Variants in UNC79 observed in about 807,000 individuals in gnomAD.
The protein encoded by UNC79 is unc-79 subunit of NALCN channel complex, also known as protein unc-79 homolog.
UNC79 carries 37 observed loss-of-function variants against 283.1 expected under a neutral mutation model. The ratio of observed to expected loss-of-function variants is 0.13; its 90% CI spans 0.10 to 0.17. The LOEUF is 0.17. UNC79 is among the 10% of genes least tolerant of loss of function. The probability of loss-of-function intolerance (pLI) is 1.00; values close to 1 mark genes in which losing one functional copy is unlikely to be tolerated. For missense variants in UNC79, 2,272 were observed against 3,211.1 expected, an observed-to-expected ratio of 0.71 and a Z score of 7.07; for synonymous variants, 1,107 against 1,200.2, an observed-to-expected ratio of 0.92 and a Z score of 1.61.
At chr14:93,632,560 C>T (rs1017598222) in intron 31 of UNC79, among the ~76,000 whole-genome samples, 3 of 151,752 alleles carry the variant, frequency 2.0e-5, no homozygotes, top group Admixed American at 6.6e-5. Context: ...ATTAGCCAGG[C>T]GTGGTGGCGC....
At chr14:93,477,639 C>T (rs781373307) in exon 4 of UNC79, 16 of 1,613,092 alleles carry the variant, frequency 9.9e-6, no homozygotes, top group South Asian at 3.3e-5. Flanking sequence ...TTGCCCTACA[C>T]GATGATATCA....
intron 14 of UNC79, among the ~76,000 whole-genome samples, chr14:93,548,518 GT>G (rs1303751944): frequency 2.6e-5 from 4 of 152,194 alleles, no homozygotes; most frequent in African/African-American, 9.6e-5. Context: ...AAAAAATGTT[GT>G]TTTTTTAAGA....
intron 1 of UNC79, among the ~76,000 whole-genome samples, chr14:93,434,384 C>T (rs756900885): frequency 6.8e-4 from 103 of 151,208 alleles, no homozygotes; most frequent in Non-Finnish European, 1.2e-3. Context: ...TTTTTTTTTT[C>T]TCCAAATGCT....
At chr14:93,505,729 TC>T (rs2059503886) in intron 7 of UNC79, among the ~76,000 whole-genome samples, 5 of 147,594 alleles carry the variant, frequency 3.4e-5, no homozygotes, top group Admixed American at 2.0e-4. Context: ...TTTCTCTCTC[TC>T]TTTTTTTTTT....
chr14:93,357,480 G>GA (rs1316277133), intron 1 of UNC79, among the ~76,000 whole-genome samples: 1 of 151,670 alleles, frequency 6.6e-6, no homozygotes, highest in Admixed American at 6.6e-5. Context: ...AAAGCAGGCA[G>GA]AAAAACGTGA....
chr14:93,424,361 A>G (rs1356802477), intron 1 of UNC79, among the ~76,000 whole-genome samples: 1 of 152,210 alleles, frequency 6.6e-6, no homozygotes, highest in Non-Finnish European at 1.5e-5. Flanking sequence ...CCTTCTAGGT[A>G]TATACCCAAA....
intron 7 of UNC79, among the ~76,000 whole-genome samples, chr14:93,521,957 G>C (rs186355235): frequency 7.9e-5 from 12 of 151,396 alleles, no homozygotes; most frequent in Non-Finnish European, 1.5e-4. Flanking sequence ...AATCTTGACA[G>C]TTGATTTTTG....
chr14:93,410,505 C>A (rs775554780), intron 1 of UNC79, among the ~76,000 whole-genome samples: 12 of 152,164 alleles, frequency 7.9e-5, no homozygotes, highest in Non-Finnish European at 1.2e-4. Context: ...TTGTGCCACC[C>A]CTCCCACAAC....
At chr14:93,371,527 C>T (rs1270463334) in intron 1 of UNC79, among the ~76,000 whole-genome samples, 5 of 152,118 alleles carry the variant, frequency 3.3e-5, no homozygotes, top group Non-Finnish European at 5.9e-5. Flanking sequence ...AAAAAAACTT[C>T]TTACCTGTAG....
At chr14:93,345,647 T>C (rs1410596248) in intron 1 of UNC79, among the ~76,000 whole-genome samples, 1 of 151,614 alleles carries the variant, frequency 6.6e-6, no homozygotes, top group East Asian at 1.9e-4. Context: ...GGACAAAACG[T>C]TGATGAGTGA....
chr14:93,454,617 A>C (rs528059608), intron 1 of UNC79, among the ~76,000 whole-genome samples: 1 of 152,308 alleles, frequency 6.6e-6, no homozygotes, highest in East Asian at 1.9e-4. Flanking sequence ...AAATAATAGC[A>C]ATACAACTAT....
At chr14:93,682,830 C>A in intron 42 of UNC79, 136 bp downstream of exon 45, 1 of 737,374 alleles carries the variant, frequency 1.4e-6, no homozygotes, top group Non-Finnish European at 2.2e-6. Flanking sequence ...GTATTTTAAC[C>A]TATAATTCTT....
chr14:93,429,593 A>T (rs189763364), upstream of UNC79, among the ~76,000 whole-genome samples: 1 of 152,288 alleles, frequency 6.6e-6, no homozygotes, highest in African/African-American at 2.4e-5. Flanking sequence ...GAATAGTTTG[A>T]TATATTACAC....
chr14:93,622,818 A>C (rs756665710), exon 30 of UNC79: 3 of 1,613,670 alleles, frequency 1.9e-6, no homozygotes, highest in South Asian at 1.1e-5. Context: ...ATTCTGGACA[A>C]ACTGGGAGAA....
chr14:93,522,813 A>T (rs1048237056), intron 7 of UNC79, among the ~76,000 whole-genome samples: 2 of 152,098 alleles, frequency 1.3e-5, no homozygotes, highest in African/African-American at 4.8e-5. Flanking sequence ...TTTAAATGTC[A>T]GTCGTTCTGG....
At chr14:93,368,507 C>T (rs1408956476) in intron 1 of UNC79, among the ~76,000 whole-genome samples, 2 of 151,978 alleles carry the variant, frequency 1.3e-5, no homozygotes, top group South Asian at 2.1e-4. Flanking sequence ...TAGTCTTGTT[C>T]TGTCGTCCAG....
intron 40 of UNC79, among the ~76,000 whole-genome samples, chr14:93,672,678 T>G (rs1192315679): frequency 6.6e-6 from 1 of 152,226 alleles, no homozygotes; most frequent in East Asian, 1.9e-4. Flanking sequence ...ATGTTCCCAA[T>G]GCATAGAAAT....
chr14:93,595,385 C>T (rs1025803393), intron 23 of UNC79, among the ~76,000 whole-genome samples: 7 of 152,080 alleles, frequency 4.6e-5, no homozygotes, highest in African/African-American at 7.2e-5. Flanking sequence ...CCACCGTACC[C>T]GGCCAAGGTC....
exon 17 of UNC79, chr14:93,575,065 C>G: frequency 6.2e-7 from 1 of 1,606,736 alleles, no homozygotes; most frequent in Non-Finnish European, 8.5e-7. Context: ...TAGGTATTAT[C>G]GGAGTTAGAT....
Sources: allele counts gnomAD v4.1 joint callset (sites outside exome capture counted in the v4.1 genomes callset), GRCh38; gene constraint gnomAD v4.1.1; transcripts MANE v1.5; gene names NCBI Gene and HGNC (gene_info 2026-07-23, HGNC 2026-07-21).